RGS20: variants seen among roughly 807,000 people sequenced by gnomAD.
RGS20 encodes regulator of G protein signaling 20.
In RGS20, 30 loss-of-function variants were observed where a neutral mutation model predicts 33.6. The observed-to-expected ratio is 0.89, with a 90% CI of 0.67 to 1.21. The LOEUF (loss-of-function observed/expected upper bound fraction) is 1.21, where lower values mean the gene tolerates loss of function less well. Ranked by LOEUF, RGS20 falls within the 50% of genes most tolerant of loss-of-function variation. The probability of loss-of-function intolerance (pLI) is 0.00; values close to 1 mark genes in which losing one functional copy is unlikely to be tolerated. For missense variants in RGS20, 472 were observed against 502.4 expected (o/e 0.94, Z 0.58); for synonymous variants, 208 against 197.9 (o/e 1.05, Z -0.43).
At chr8:53,907,928 C>T (rs751942803) in intron 2 of RGS20, among the ~76,000 whole-genome samples, 6 of 152,142 alleles carry the variant, frequency 3.9e-5, no homozygotes, top group Non-Finnish European at 8.8e-5. Context: ...GTCACCCTGA[C>T]CCTGAAATAC....
At chr8:53,939,776 T>C in intron 3 of RGS20, 52 bp downstream of exon 2, 1 of 1,499,130 alleles carries the variant, frequency 6.7e-7, no homozygotes, top group Non-Finnish European at 8.9e-7. Flanking sequence ...AAGTGTAATG[T>C]GCTCCTGACT....
intron 2 of RGS20, among the ~76,000 whole-genome samples, chr8:53,908,533 G>C (rs374268086): frequency 1.3e-5 from 2 of 151,930 alleles, no homozygotes; most frequent in Non-Finnish European, 2.9e-5. Context: ...CCAGCTACTC[G>C]GGAGGCTGAG....
intron 2 of RGS20, among the ~76,000 whole-genome samples, chr8:53,909,759 G>T (rs7824575): frequency 6.6e-6 from 1 of 152,086 alleles, no homozygotes; most frequent in Non-Finnish European, 1.5e-5. Context: ...AGGAATTGTT[G>T]TGTGAATAAT....
At chr8:53,883,894 C>T (rs1426728799) in intron 2 of RGS20, among the ~76,000 whole-genome samples, 1 of 150,724 alleles carries the variant, frequency 6.6e-6, no homozygotes, top group Non-Finnish European at 1.5e-5. Context: ...TGCAGTGAGC[C>T]GAGATGGAGC....
rs368589183 is a variant in RGS20, at chr8:53,937,145, G to A, written c.511-2431G>A. 2.8e-4 allele frequency among the ~76,000 whole-genome samples: 42 copies of A among 152,232 alleles called. No individual in the cohort carries two copies. The East Asian group carries it at 6.4e-3, about 23-fold the overall frequency. On this transcript the variant is annotated intron_variant, in intron 2 of 5. Coordinates refer to ENST00000297313, the MANE Select transcript of RGS20 (RefSeq NM_170587.4). ...ATCACACACCAGGGCCTGTCGTGGA[G>A]TTGGGGGGAGAGGGGAAGGATAGCA...
At position 53,881,443 on chromosome 8, in the gene RGS20, G is replaced by A. The variant is rs553752913; in HGVS notation, c.510+1841G>A. On this transcript the variant is annotated intron_variant, in intron 2 of 5. Transcript: ENST00000297313. ...AGAAATCGCATTGACCACCCGAAGC[G>A]TATTTCGGAAAGACCAGGCGGGTGG... Among the ~76,000 whole-genome samples, 44 of 152,278 alleles carry A rather than the reference G, an allele frequency of 2.9e-4. No homozygotes were observed. In the South Asian group the frequency reaches 7.7e-3, roughly 27 times the overall value.
At chr8:53,934,112 T>G (rs1048084942) in intron 2 of RGS20, among the ~76,000 whole-genome samples, 3 of 152,084 alleles carry the variant, frequency 2.0e-5, no homozygotes, top group Non-Finnish European at 4.4e-5. Context: ...AAGGACGTAC[T>G]ACACACGGAA....
chr8:53,902,360 T>G (rs754887563), intron 2 of RGS20, among the ~76,000 whole-genome samples: 1 of 152,232 alleles, frequency 6.6e-6, no homozygotes, highest in Admixed American at 6.5e-5. Context: ...AACATCCTAA[T>G]GCATACTTTT....
chr8:53,866,807 CT>C (rs1482231459), intron 1 of RGS20, among the ~76,000 whole-genome samples: 2 of 151,980 alleles, frequency 1.3e-5, no homozygotes, highest in East Asian at 1.9e-4. Flanking sequence ...ATTAAGAGAG[CT>C]GGGAAGTAAC....
intron 4 of RGS20, among the ~76,000 whole-genome samples, chr8:53,947,498 G>T (rs192055746): frequency 9.7e-5 from 12 of 124,236 alleles, no homozygotes; most frequent in East Asian, 4.9e-4. Context: ...ATGCTATATA[G>T]GATATAGTAT....
intron 2 of RGS20, among the ~76,000 whole-genome samples, chr8:53,933,980 A>C (rs563852813): frequency 4.6e-5 from 7 of 152,326 alleles, no homozygotes; most frequent in South Asian, 4.1e-4. Context: ...AAGAATTTTC[A>C]ACCCAGAATT....
At chr8:53,874,661 C>T (rs897828603) in intron 1 of RGS20, among the ~76,000 whole-genome samples, 8 of 152,204 alleles carry the variant, frequency 5.3e-5, no homozygotes, top group Admixed American at 3.3e-4. Context: ...TACTCCATGC[C>T]TCTTCTTAGC....
intron 1 of RGS20, among the ~76,000 whole-genome samples, chr8:53,866,592 G>A (rs978121023): frequency 6.6e-6 from 1 of 152,096 alleles, no homozygotes; most frequent in Non-Finnish European, 1.5e-5. Flanking sequence ...ATTTTGGCCA[G>A]ACTGGTCTTG....
intron 2 of RGS20, among the ~76,000 whole-genome samples, chr8:53,899,127 G>A (rs541303760): frequency 1.3e-5 from 2 of 152,326 alleles, no homozygotes; most frequent in Admixed American, 6.5e-5. Context: ...CGATGCTCCT[G>A]TGTCTGTCCT....
At chr8:53,909,207 G>GTGTGTATGTATATA (rs1554520817) in intron 2 of RGS20, among the ~76,000 whole-genome samples, 1 of 83,154 alleles carries the variant, frequency 1.2e-5, no homozygotes, top group African/African-American at 5.3e-5. Context: ...TATGGTATGT[G>GTGTGTATGTATATA]TGTATATATA....
In RGS20 at chr8:53,854,786, T is replaced by C. The variant is rs969628686; in HGVS notation, c.165+2722T>C. 2.6e-5 allele frequency among the ~76,000 whole-genome samples: 4 copies of C among 152,128 alleles called. 1 individual carries two copies. The highest frequency in any genetic ancestry group is 5.9e-5 in the Non-Finnish European group (4 of 68,022). ...CCATTAGGCATTTATCCCAGAGAAATGAAAACCTACATTTGCACCAACCCT... is the reference window on the plus strand; with the variant it reads ...CCATTAGGCATTTATCCCAGAGAAACGAAAACCTACATTTGCACCAACCCT... On this transcript the variant is annotated intron_variant, in intron 1 of 5. Coordinates refer to ENST00000297313, the MANE Select transcript of RGS20 (RefSeq NM_170587.4).
rs185391436 is a variant in RGS20 at position 53,927,287 on chromosome 8, C to T, written c.511-12289C>T. Among the ~76,000 whole-genome samples the T allele has an allele frequency of 9.4e-4, 142 of 150,292 alleles. 1 individual carries two copies. Among genetic ancestry groups the T allele is most frequent in the African/African-American group, 3.3e-3 (136 of 40,974 alleles). On this transcript the variant is annotated intron_variant, in intron 2 of 5. Transcript: ENST00000297313. Reference sequence around the variant, plus strand: ...GAATCACAGCTCACTGCAGCCTCAACCTCCTGGGCTCAAACGATCTTCTCA... The same window carrying T: ...GAATCACAGCTCACTGCAGCCTCAATCTCCTGGGCTCAAACGATCTTCTCA...
At chr8:53,879,942 C>A (rs568789134) in intron 2 of RGS20, 109 of 291,628 alleles carry the variant, frequency 3.7e-4, no homozygotes, top group Middle Eastern at 1.9e-3. Context: ...GAGCCTCCCC[C>A]AAACGCGCCT....
At position 53,948,333 on chromosome 8, in the gene RGS20, GAC is replaced by G. The variant is rs1189173243; in HGVS notation, c.743+1587_743+1588del. 3.0e-5 allele frequency among the ~76,000 whole-genome samples: 4 copies of G among 131,884 alleles called. No individual in the cohort carries two copies. In the South Asian group the frequency reaches 9.4e-4, roughly 31 times the overall value. The allele number at this position is 131,884 out of a possible 152,430, so 86.5% of individuals were successfully genotyped here. On this transcript the variant is annotated intron_variant, in intron 4 of 5. Coordinates refer to ENST00000297313, the MANE Select transcript of RGS20 (RefSeq NM_170587.4). ...GTATATATACATATGCTATATATAA[GAC>G]AGTATATATTTATATATGCTATATA...
Sources: gnomAD v4.1 joint callset for allele counts (sites outside exome capture counted in the v4.1 genomes callset) on GRCh38, gnomAD v4.1.1 for gene constraint, MANE v1.5 for transcripts, NCBI Gene and HGNC (gene_info 2026-07-23, HGNC 2026-07-21) for gene names.